Variants in ADAM18 observed in about 807,000 individuals in gnomAD.
ADAM18 encodes disintegrin and metalloproteinase domain-containing protein 18.
Under a neutral mutation model 94.4 loss-of-function variants are expected in ADAM18, and 117 were observed. The observed-to-expected ratio is 1.24, with a 90% confidence interval of 1.07 to 1.45. The LOEUF is 1.45. Among genes scored for constraint, ADAM18 ranks in the 40% most tolerant of loss-of-function variants. ADAM18 has a pLI of 0.00. For synonymous variants in ADAM18, 327 were observed against 291.6 expected, an observed-to-expected ratio of 1.12 and a Z score of -1.24; for missense variants, 936 against 880.0, an observed-to-expected ratio of 1.06 and a Z score of -0.81.
At chr8:39,711,774 C>T (rs1202597223) in intron 18 of ADAM18, among the ~76,000 whole-genome samples, 1 of 151,610 alleles carries the variant, frequency 6.6e-6, no homozygotes, top group Non-Finnish European at 1.5e-5. Context: ...AGACCACTAC[C>T]AAGTGGAACA....
intron 7 of ADAM18, among the ~76,000 whole-genome samples, chr8:39,636,034 AGAGAGAGG>A (rs1475594156): frequency 6.9e-6 from 1 of 145,898 alleles, no homozygotes; most frequent in Non-Finnish European, 1.5e-5. Context: ...AGAGAGAGAG[AGAGAGAGG>A]GGGCCTCACT....
chr8:39,694,421 A>G (rs1026016286), intron 17 of ADAM18, among the ~76,000 whole-genome samples: 17 of 151,462 alleles, frequency 1.1e-4, no homozygotes, highest in African/African-American at 3.9e-4. Flanking sequence ...TAATTCCCAG[A>G]ATAAAACCAA....
At chr8:39,642,540 G>A (rs1408308255) in intron 10 of ADAM18, among the ~76,000 whole-genome samples, 1 of 151,700 alleles carries the variant, frequency 6.6e-6, no homozygotes, top group African/African-American at 2.4e-5. Context: ...GTTTTTGTTA[G>A]GTTTGTTGAA....
intron 16 of ADAM18, among the ~76,000 whole-genome samples, chr8:39,684,116 A>C (rs1284506512): frequency 6.6e-6 from 1 of 152,194 alleles, no homozygotes; most frequent in Non-Finnish European, 1.5e-5. Context: ...TGGTCAACAA[A>C]GCAAGACCTT....
chr8:39,706,704 T>G, intron 17 of ADAM18, 86 bp from the exon 18 acceptor site: 1 of 568,422 alleles, frequency 1.8e-6, no homozygotes, highest in South Asian at 3.2e-5. Flanking sequence ...TCTATGAAAT[T>G]TAGTTATTTA....
chr8:39,611,630 T>C, intron 6 of ADAM18: 1 of 972,694 alleles, frequency 1.0e-6, no homozygotes. Context: ...TGCTTCCACA[T>C]ATACATCAGA....
Position 39,613,083 on chromosome 8 carries a change from A to G in ADAM18, c.522+2377A>G, listed in dbSNP as rs540695217. ...TGTTGCTGCTGCCATGCATGCATGC[A>G]TCGAACCCAACATGCCGCTACCACC... On this transcript the variant is annotated intron_variant, in intron 6 of 19. Coordinates refer to ENST00000265707, the MANE Select transcript of ADAM18 (RefSeq NM_014237.3). 4.6e-5 allele frequency among the ~76,000 whole-genome samples: 7 copies of G among 152,244 alleles called. No individual in the cohort carries two copies. In the East Asian group the frequency reaches 1.4e-3, roughly 29 times the overall value.
intron 12 of ADAM18, among the ~76,000 whole-genome samples, chr8:39,658,483 G>A (rs892121175): frequency 1.3e-5 from 2 of 152,118 alleles, no homozygotes; most frequent in Admixed American, 6.5e-5. Context: ...AAAAACATGA[G>A]CCGAGGAATT....
rs1586000943 is a variant in ADAM18 at position 39,706,370 on chromosome 8, A to G, written c.1903-420A>G. Among the ~76,000 whole-genome samples, 3 of 152,150 alleles carry G rather than the reference A, an allele frequency of 2.0e-5. No homozygotes were observed. The East Asian group carries it at 5.8e-4, about 29-fold the overall frequency. On this transcript the variant is annotated intron_variant, in intron 17 of 19. Transcript: ENST00000265707. ...GAATTAAAGTGGCCAATCAATTGAT[A>G]TTTATTTTATCACAATGCTTTCTAT...
chr8:39,647,972 ATC>A (rs1820430921), intron 11 of ADAM18, among the ~76,000 whole-genome samples: 1 of 152,148 alleles, frequency 6.6e-6, no homozygotes, highest in Non-Finnish European at 1.5e-5. Flanking sequence ...TAACAGTCTG[ATC>A]TCTCTTTCTT....
chr8:39,622,029 A>C (rs940471454), intron 6 of ADAM18, among the ~76,000 whole-genome samples: 4 of 152,162 alleles, frequency 2.6e-5, no homozygotes, highest in Admixed American at 2.6e-4. Flanking sequence ...ACCATGGCAC[A>C]TGTTTACCTA....
chr8:39,720,772 A>G (rs1264513064), intron 18 of ADAM18, among the ~76,000 whole-genome samples: 4 of 151,478 alleles, frequency 2.6e-5, no homozygotes, highest in Admixed American at 6.6e-5. Flanking sequence ...CTCATTTACT[A>G]CTAATAGGAA....
At chr8:39,637,407 C>A in intron 8 of ADAM18, 72 bp downstream of exon 8, 1 of 1,461,286 alleles carries the variant, frequency 6.8e-7, no homozygotes, top group South Asian at 1.3e-5. Flanking sequence ...CTATCTTGGC[C>A]AATGAATAAC....
At chr8:39,724,186 C>A (rs768998017) in intron 19 of ADAM18, among the ~76,000 whole-genome samples, 14 of 151,552 alleles carry the variant, frequency 9.2e-5, no homozygotes, top group Non-Finnish European at 2.1e-4. Context: ...TTTTAAGTGC[C>A]CTTCTAGTTA....
intron 2 of ADAM18, 63 bp from the exon 3 acceptor site, chr8:39,606,244 T>C: frequency 2.3e-6 from 2 of 881,580 alleles, no homozygotes; most frequent in African/African-American, 1.8e-5. Context: ...CTTGGATGAA[T>C]ATTGTTTTAT....
chr8:39,615,408 A>T (rs1819407352), intron 6 of ADAM18, among the ~76,000 whole-genome samples: 1 of 152,182 alleles, frequency 6.6e-6, no homozygotes, highest in Non-Finnish European at 1.5e-5. Flanking sequence ...TAAACCAATG[A>T]AAACAAAGAT....
chr8:39,695,258 C>T (rs1327172568), intron 17 of ADAM18, among the ~76,000 whole-genome samples: 1 of 151,444 alleles, frequency 6.6e-6, no homozygotes, highest in African/African-American at 2.4e-5. Context: ...CCAAGGAGCA[C>T]AATTACTGAG....
intron 14 of ADAM18, among the ~76,000 whole-genome samples, chr8:39,676,589 C>T (rs558380658): frequency 4.0e-5 from 2 of 50,454 alleles, no homozygotes; most frequent in East Asian, 6.2e-4. Flanking sequence ...CCCTCGACTC[C>T]TTGCTCTTCT....
chr8:39,657,200 A>G (rs28446731), intron 12 of ADAM18, among the ~76,000 whole-genome samples: 3,931 of 152,304 alleles, frequency 0.026, 181 homozygotes, highest in African/African-American at 0.087. Flanking sequence ...CAAGATAACC[A>G]AGGCCAAGAA....
Sources: allele counts gnomAD v4.1 joint callset (sites outside exome capture counted in the v4.1 genomes callset), GRCh38; gene constraint gnomAD v4.1.1; transcripts MANE v1.5; gene names NCBI Gene and HGNC (gene_info 2026-07-23, HGNC 2026-07-21).